TENM4: variants seen among roughly 807,000 people sequenced by gnomAD.
The protein encoded by TENM4 is teneurin-4.
A neutral mutation model predicts 243.3 loss-of-function variants in TENM4; 82 were observed. The ratio of observed to expected loss-of-function variants is 0.34; its 90% CI spans 0.28 to 0.40. TENM4 has a LOEUF of 0.40. Among genes scored for constraint, TENM4 ranks in the 10% least tolerant of loss-of-function variants. TENM4 has a pLI of 1.00. For missense variants in TENM4, 3,138 were observed against 3,673.3 expected, an observed-to-expected ratio of 0.85 and a Z score of 3.77; for synonymous variants, 1,412 against 1,456.3, an observed-to-expected ratio of 0.97 and a Z score of 0.69.
At chr11:79,035,853 A>T (rs1006935833) in intron 6 of TENM4, among the ~76,000 whole-genome samples, 3 of 151,970 alleles carry the variant, frequency 2.0e-5, no homozygotes, top group Admixed American at 6.6e-5. Context: ...CTTCCACCTC[A>T]CCCATCCCAC....
chr11:78,691,657 C>A (rs677591), intron 28 of TENM4, among the ~76,000 whole-genome samples: 20,711 of 152,226 alleles, frequency 0.14, 1,680 homozygotes, highest in African/African-American at 0.23. Context: ...GGCATAATTA[C>A]ATTGATCCTA....
chr11:79,036,610 A>G (rs1859385755), intron 6 of TENM4, among the ~76,000 whole-genome samples: 1 of 152,252 alleles, frequency 6.6e-6, no homozygotes, highest in African/African-American at 2.4e-5. Flanking sequence ...AAAGAAGCAC[A>G]GCAAGATGCA....
At chr11:79,240,837 T>C (rs544281293) in intron 2 of TENM4, among the ~76,000 whole-genome samples, 106 of 152,270 alleles carry the variant, frequency 7.0e-4, no homozygotes, top group African/African-American at 2.4e-3. Flanking sequence ...TGGGAGTCAG[T>C]TTGACTAATT....
intron 12 of TENM4, among the ~76,000 whole-genome samples, chr11:78,816,933 A>G (rs1376684105): frequency 6.6e-6 from 1 of 152,196 alleles, no homozygotes; most frequent in Non-Finnish European, 1.5e-5. Context: ...CTGTGACCTA[A>G]AGCAACTTCC....
At chr11:79,310,651 T>A (rs894097267) in intron 1 of TENM4, among the ~76,000 whole-genome samples, 2 of 152,130 alleles carry the variant, frequency 1.3e-5, no homozygotes, top group African/African-American at 4.8e-5. Context: ...AACGGGCAGC[T>A]TTCATCCTGC....
At chr11:79,160,868 C>T (rs895301236) in intron 3 of TENM4, among the ~76,000 whole-genome samples, 6 of 152,194 alleles carry the variant, frequency 3.9e-5, no homozygotes, top group Non-Finnish European at 7.3e-5. Context: ...GACTAGATTT[C>T]CCGGATTCCC....
At chr11:78,921,603 G>C (rs570042371) in intron 6 of TENM4, among the ~76,000 whole-genome samples, 1 of 152,196 alleles carries the variant, frequency 6.6e-6, no homozygotes, top group African/African-American at 2.4e-5. Context: ...GCTCCCTGGG[G>C]AATCCTGCTT....
intron 6 of TENM4, among the ~76,000 whole-genome samples, chr11:79,036,741 G>A (rs1859389674): frequency 6.6e-6 from 1 of 152,194 alleles, no homozygotes; most frequent in Non-Finnish European, 1.5e-5. Context: ...GCCAGGCGCA[G>A]TGGCTCACGC....
At chr11:78,921,541 C>T (rs1427670723) in intron 6 of TENM4, among the ~76,000 whole-genome samples, 1 of 152,170 alleles carries the variant, frequency 6.6e-6, no homozygotes, top group African/African-American at 2.4e-5. Flanking sequence ...TCGTATTTGC[C>T]GTGTATGAGC....
At chr11:78,993,590 T>G (rs561008615) in intron 6 of TENM4, among the ~76,000 whole-genome samples, 32 of 152,322 alleles carry the variant, frequency 2.1e-4, no homozygotes, top group African/African-American at 7.5e-4. Flanking sequence ...GTTTGGATAG[T>G]TTTTATTGCC....
At chr11:78,902,569 G>GCT (rs1353186318) in intron 7 of TENM4, among the ~76,000 whole-genome samples, 2 of 152,216 alleles carry the variant, frequency 1.3e-5, no homozygotes, top group African/African-American at 4.8e-5. Flanking sequence ...TGTGAAGTGA[G>GCT]CTAGTGATGG....
intron 3 of TENM4, among the ~76,000 whole-genome samples, chr11:79,205,412 G>A (rs754315329): frequency 6.6e-5 from 10 of 152,014 alleles, no homozygotes; most frequent in East Asian, 1.9e-4. Flanking sequence ...CACCACAGTC[G>A]AGATACAGAA....
At chr11:78,704,222 C>T (rs995976713) in intron 27 of TENM4, among the ~76,000 whole-genome samples, 1 of 136,370 alleles carries the variant, frequency 7.3e-6, no homozygotes, top group African/African-American at 2.8e-5. Flanking sequence ...TGCTATATTA[C>T]CCAGGCTGGT....
intron 2 of TENM4, among the ~76,000 whole-genome samples, chr11:79,290,163 T>C (rs894638352): frequency 3.3e-5 from 5 of 152,284 alleles, no homozygotes; most frequent in Non-Finnish European, 7.4e-5. Flanking sequence ...ATTCCTCTCA[T>C]TCTCAGTCAG....
chr11:79,307,490 C>T (rs1167220199), intron 1 of TENM4, among the ~76,000 whole-genome samples: 1 of 152,078 alleles, frequency 6.6e-6, no homozygotes, highest in Non-Finnish European at 1.5e-5. Context: ...CAATTCTGTC[C>T]ACTTCTCACC....
At chr11:79,118,065 C>T (rs1185260497) in intron 4 of TENM4, among the ~76,000 whole-genome samples, 1 of 152,108 alleles carries the variant, frequency 6.6e-6, no homozygotes, top group African/African-American at 2.4e-5. Context: ...TATTTTATGC[C>T]ACATTGTTTT....
intron 3 of TENM4, among the ~76,000 whole-genome samples, chr11:79,189,955 T>C (rs887455213): frequency 2.0e-5 from 3 of 152,216 alleles, no homozygotes; most frequent in African/African-American, 4.8e-5. Context: ...CAGTCACCTG[T>C]AGGCTTAGAG....
chr11:79,371,222 T>C (rs1013174709), intron 1 of TENM4, among the ~76,000 whole-genome samples: 1 of 152,206 alleles, frequency 6.6e-6, no homozygotes, highest in African/African-American at 2.4e-5. Context: ...GGGGTAGCAC[T>C]GGAGGAAAGC....
intron 6 of TENM4, among the ~76,000 whole-genome samples, chr11:79,040,168 G>A (rs557365595): frequency 6.6e-6 from 1 of 152,064 alleles, no homozygotes; most frequent in African/African-American, 2.4e-5. Flanking sequence ...GTGCAGACCC[G>A]GTGCAAGGAT....
Sources: gnomAD v4.1 joint callset for allele counts (sites outside exome capture counted in the v4.1 genomes callset) on GRCh38, gnomAD v4.1.1 for gene constraint, MANE v1.5 for transcripts, NCBI Gene and HGNC (gene_info 2026-07-23, HGNC 2026-07-21) for gene names.